CDC42SE2: variants seen among roughly 807,000 people sequenced by gnomAD.
CDC42SE2 encodes CDC42 small effector protein 2.
In CDC42SE2, 3 loss-of-function variants were observed where a neutral mutation model predicts 11.5. The ratio of observed to expected loss-of-function variants is 0.26; its 90% confidence interval spans 0.12 to 0.67. The LOEUF is 0.67. Ranked by LOEUF, CDC42SE2 falls within the 30% of genes least tolerant of loss-of-function variation. The probability of loss-of-function intolerance (pLI) is 0.80; values close to 1 mark genes in which losing one functional copy is unlikely to be tolerated. For synonymous variants in CDC42SE2, 33 were observed against 34.8 expected, an observed-to-expected ratio of 0.95 and a Z score of 0.18; for missense variants, 82 against 106.8, an observed-to-expected ratio of 0.77 and a Z score of 1.02.
At chr5:131,254,291 C>T (rs1756662939) in intron 1 of CDC42SE2, among the ~76,000 whole-genome samples, 1 of 152,090 alleles carries the variant, frequency 6.6e-6, no homozygotes, top group African/African-American at 2.4e-5. Context: ...CTTGTAATCC[C>T]AGCACTTTGG....
intron 2 of CDC42SE2, among the ~76,000 whole-genome samples, chr5:131,347,203 C>G (rs1468060948): frequency 1.3e-5 from 2 of 152,036 alleles, no homozygotes; most frequent in Admixed American, 6.6e-5. Flanking sequence ...ATCAATGAAT[C>G]CAGGAGTTGG....
chr5:131,377,415 C>T (rs1389465711), intron 3 of CDC42SE2, among the ~76,000 whole-genome samples: 2 of 152,202 alleles, frequency 1.3e-5, no homozygotes, highest in African/African-American at 4.8e-5. Flanking sequence ...GCAGTCCGCC[C>T]GCCTCAGCCT....
chr5:131,287,966 G>A (rs566371375), intron 1 of CDC42SE2, among the ~76,000 whole-genome samples: 2 of 151,976 alleles, frequency 1.3e-5, no homozygotes, highest in East Asian at 3.9e-4. Context: ...AGAAGTGGCC[G>A]GGCGTGGTGG....
rs149486238 is a variant in CDC42SE2, at chr5:131,246,744, T to C, written n.107+1145T>C. Among the ~76,000 whole-genome samples, 3 of 150,220 alleles carry C rather than the reference T, an allele frequency of 2.0e-5. No homozygotes were observed. In the Admixed American group the frequency reaches 2.0e-4, roughly 10 times the overall value. ...TCTCTTTTCTTATCTTCCATACCTA[T>C]ATTTTTCACTCAAATCCTTTTTTTT... On this transcript the variant is annotated intron_variant and non_coding_transcript_variant, in intron 1 of 3. Transcript: ENST00000502840.
intron 1 of CDC42SE2, among the ~76,000 whole-genome samples, chr5:131,273,810 G>T (rs2149695706): frequency 6.6e-6 from 1 of 150,598 alleles, no homozygotes; most frequent in African/African-American, 2.4e-5. Flanking sequence ...GCAGGGCCTT[G>T]CTCATCCTCC....
At chr5:131,226,785 C>T in the CDC42SE2 span, among the ~76,000 whole-genome samples, 3 of 152,196 alleles carry the variant, frequency 2.0e-5, no homozygotes, top group African/African-American at 7.2e-5. Flanking sequence ...AATAGACTTA[C>T]TCAGCAGCTA....
intron 1 of CDC42SE2, among the ~76,000 whole-genome samples, chr5:131,311,269 C>A (rs1012029275): frequency 8.0e-5 from 12 of 150,498 alleles, no homozygotes; most frequent in African/African-American, 2.4e-5. Context: ...TGAATATTGG[C>A]CCACACTCTC....
At chr5:131,270,015 G>A (rs1463087671) in intron 1 of CDC42SE2, among the ~76,000 whole-genome samples, 3 of 151,506 alleles carry the variant, frequency 2.0e-5, no homozygotes, top group African/African-American at 7.3e-5. Context: ...GAGCTGGGAT[G>A]GCACCACTCT....
intron 1 of CDC42SE2, among the ~76,000 whole-genome samples, chr5:131,277,774 A>T (rs866171672): frequency 3.3e-5 from 5 of 151,682 alleles, no homozygotes; most frequent in African/African-American, 1.2e-4. Context: ...CTTCCTCACC[A>T]CTCAGTTAAA....
chr5:131,288,665 T>G (rs1757390484), intron 1 of CDC42SE2, among the ~76,000 whole-genome samples: 1 of 152,218 alleles, frequency 6.6e-6, no homozygotes, highest in Non-Finnish European at 1.5e-5. Flanking sequence ...TGGTAGATTC[T>G]TCACTAAGTA....
At chr5:131,349,842 A>G (rs1325837770) in intron 2 of CDC42SE2, among the ~76,000 whole-genome samples, 1 of 152,168 alleles carries the variant, frequency 6.6e-6, no homozygotes, top group Non-Finnish European at 1.5e-5. Flanking sequence ...CAAAAGGACA[A>G]ATAAAAAATT....
chr5:131,243,477 T>G (rs971159650), upstream of CDC42SE2, among the ~76,000 whole-genome samples: 3 of 152,090 alleles, frequency 2.0e-5, no homozygotes, highest in Admixed American at 2.0e-4. Flanking sequence ...TCCCAGCTAC[T>G]CGGGAGGCTA....
In CDC42SE2 at chr5:131,359,323, T is replaced by C. The variant is rs890107205; in HGVS notation, c.-171T>C. 3.1e-6 allele frequency: 2 copies of C among 635,078 alleles called. No individual in the cohort carries two copies. Among genetic ancestry groups the C allele is most frequent in the Non-Finnish European group, 5.7e-6 (2 of 349,956 alleles). The allele number at this position is 635,078 out of a possible 1,614,324, so 39.3% of individuals were successfully genotyped here. The stretch of plus-strand genomic sequence containing the variant: ...AAAGGAAACAATCCAAATTTTTCTT[T>C]ATTAAATCGACTGTGTAAGATACTT... On this transcript the variant is annotated 5_prime_UTR_variant, in exon 3 of 5. Transcript: ENST00000505065.
intron 1 of CDC42SE2, among the ~76,000 whole-genome samples, chr5:131,285,817 G>C: frequency 6.6e-6 from 1 of 152,114 alleles, no homozygotes; most frequent in South Asian, 2.1e-4. Context: ...TAGGAACACT[G>C]AATCTGGTAC....
At chr5:131,277,020 G>A (rs1486519145) in intron 1 of CDC42SE2, among the ~76,000 whole-genome samples, 4 of 152,140 alleles carry the variant, frequency 2.6e-5, no homozygotes, top group East Asian at 1.9e-4. Context: ...GATTACAGGC[G>A]TGAGCCACCG....
intron 1 of CDC42SE2, among the ~76,000 whole-genome samples, chr5:131,264,812 G>A (rs1442902745): frequency 4.6e-5 from 7 of 152,200 alleles, no homozygotes. Context: ...CCTTGATGCC[G>A]CATTAACAGC....
chr5:131,355,181 T>C (rs550681661), intron 2 of CDC42SE2, among the ~76,000 whole-genome samples: 2 of 152,328 alleles, frequency 1.3e-5, no homozygotes, highest in South Asian at 4.1e-4. Flanking sequence ...CTTTATAATA[T>C]ATACTGTACT....
chr5:131,216,510 A>AAAAAAC, the CDC42SE2 span, among the ~76,000 whole-genome samples: 1 of 139,598 alleles, frequency 7.2e-6, no homozygotes, highest in African/African-American at 3.0e-5. Flanking sequence ...TCAAAAAAAA[A>AAAAAAC]AAAAAAAAAA....
chr5:131,369,610 G>A (rs1749959506), intron 3 of CDC42SE2, among the ~76,000 whole-genome samples: 1 of 152,106 alleles, frequency 6.6e-6, no homozygotes, highest in African/African-American at 2.4e-5. Context: ...TTATCATTGG[G>A]GGAAGAATGT....
Sources: gnomAD v4.1 joint callset for allele counts (sites outside exome capture counted in the v4.1 genomes callset) on GRCh38, gnomAD v4.1.1 for gene constraint, MANE v1.5 for transcripts, NCBI Gene and HGNC (gene_info 2026-07-23, HGNC 2026-07-21) for gene names.